Variants in SLC36A1 observed in about 807,000 individuals in gnomAD.
SLC36A1 encodes the protein proton-coupled amino acid transporter 1.
SLC36A1 carries 30 observed loss-of-function variants against 47.5 expected under a neutral mutation model. The ratio of observed to expected loss-of-function variants is 0.63; its 90% CI spans 0.47 to 0.86. The LOEUF is 0.86. Among genes scored for constraint, SLC36A1 ranks in the 40% least tolerant of loss-of-function variants. SLC36A1 has a pLI of 0.00. For missense variants in SLC36A1, 517 were observed against 606.0 expected, an observed-to-expected ratio of 0.85 and a Z score of 1.54; for synonymous variants, 255 against 249.7, an observed-to-expected ratio of 1.02 and a Z score of -0.20.
chr5:151,366,374 T>C, the SLC36A1 span: 1 of 170,598 alleles, frequency 5.9e-6, no homozygotes, highest in Non-Finnish European at 1.3e-5. Flanking sequence ...AAATGTTGAG[T>C]TGAAAATTGG....
the SLC36A1 span, among the ~76,000 whole-genome samples, chr5:151,419,552 G>A: frequency 2.0e-5 from 3 of 152,336 alleles, no homozygotes; most frequent in Admixed American, 1.3e-4. Context: ...AGAATGTAAA[G>A]TAGTTTCTTT....
chr5:151,546,111 T>C, the SLC36A1 span: 3 of 1,614,174 alleles, frequency 1.9e-6, no homozygotes, highest in Non-Finnish European at 2.5e-6. Context: ...CAACAGGGAT[T>C]GATTCAGGGA....
chr5:151,484,759 T>G (rs541584457), intron 10 of SLC36A1, among the ~76,000 whole-genome samples: 31 of 152,290 alleles, frequency 2.0e-4, no homozygotes, highest in African/African-American at 7.5e-4. Context: ...CCATCCTGTT[T>G]AGTAGTTGGG....
intron 10 of SLC36A1, among the ~76,000 whole-genome samples, chr5:151,486,714 A>G (rs1759610083): frequency 1.3e-5 from 2 of 152,218 alleles, no homozygotes; most frequent in South Asian, 4.1e-4. Context: ...GTAGGAATCA[A>G]TGAGGTAGTA....
At chr5:151,357,365 G>A in the SLC36A1 span, among the ~76,000 whole-genome samples, 1 of 152,256 alleles carries the variant, frequency 6.6e-6, no homozygotes, top group Non-Finnish European at 1.5e-5. Flanking sequence ...GCACTAGCCA[G>A]TTTGGGTGGT....
At chr5:151,553,325 C>A in the SLC36A1 span, 1 of 1,614,256 alleles carries the variant, frequency 6.2e-7, no homozygotes, top group Non-Finnish European at 8.5e-7. Flanking sequence ...GCCAAGGGAT[C>A]CACTCAATGT....
chr5:151,416,077 G>C, the SLC36A1 span, among the ~76,000 whole-genome samples: 1 of 152,230 alleles, frequency 6.6e-6, no homozygotes, highest in African/African-American at 2.4e-5. Context: ...CTGCACTCCA[G>C]CCTGGCAGCC....
At chr5:151,442,810 T>C (rs991040134), upstream of SLC36A1, among the ~76,000 whole-genome samples, 1 of 152,120 alleles carries the variant, frequency 6.6e-6, no homozygotes, top group Non-Finnish European at 1.5e-5. Flanking sequence ...CCAGCACTCC[T>C]GGGCCCTGGT....
the SLC36A1 span, among the ~76,000 whole-genome samples, chr5:151,399,518 A>T: frequency 6.6e-6 from 1 of 152,228 alleles, no homozygotes; most frequent in East Asian, 1.9e-4. Flanking sequence ...TCAGAGGATA[A>T]GAAATATTTG....
the SLC36A1 span, among the ~76,000 whole-genome samples, chr5:151,377,450 G>A: frequency 3.9e-3 from 574 of 147,178 alleles, 4 homozygotes; most frequent in Non-Finnish European, 4.0e-3. Flanking sequence ...CCGGGTTCAC[G>A]CCATTCTCCT....
At chr5:151,367,361 A>ATATTTTTTTTTTTTTTTTTT in the SLC36A1 span, among the ~76,000 whole-genome samples, 6 of 118,866 alleles carry the variant, frequency 5.0e-5, no homozygotes, top group Non-Finnish European at 1.0e-4. Flanking sequence ...CCAGGAATGC[A>ATATTTTTTTTTTTTTTTTTT]TTTTTTTTTT....
the SLC36A1 span, among the ~76,000 whole-genome samples, chr5:151,373,717 T>C: frequency 1.3e-5 from 2 of 152,190 alleles, no homozygotes; most frequent in Non-Finnish European, 1.5e-5. Context: ...GTATAAAAGA[T>C]AGTTTTTCCT....
chr5:151,524,304 T>C, the SLC36A1 span, among the ~76,000 whole-genome samples: 5 of 152,234 alleles, frequency 3.3e-5, no homozygotes, highest in Non-Finnish European at 7.3e-5. Context: ...CTACCAAGTA[T>C]TATTTTTAGT....
At chr5:151,533,340 A>C in the SLC36A1 span, among the ~76,000 whole-genome samples, 23 of 151,596 alleles carry the variant, frequency 1.5e-4, no homozygotes, top group Admixed American at 1.5e-3. Flanking sequence ...CTCTCCTATC[A>C]AACCCATTTC....
the SLC36A1 span, chr5:151,512,559 G>A: frequency 6.2e-7 from 1 of 1,614,010 alleles, no homozygotes; most frequent in East Asian, 2.2e-5. The surrounding 1 kb of genome is among the most constrained non-coding windows in gnomAD (Gnocchi z 4.1). Flanking sequence ...GGTTTCCATA[G>A]AAACCACCCA....
At chr5:151,449,356 G>T (rs59566125) in intron 1 of SLC36A1, among the ~76,000 whole-genome samples, 33,126 of 152,078 alleles carry the variant, frequency 0.22, 3,678 homozygotes, top group African/African-American at 0.23. Flanking sequence ...ACATGTTTTC[G>T]TTAAAAATGT....
the SLC36A1 span, chr5:151,542,944 C>T: frequency 1.1e-4 from 173 of 1,614,164 alleles, no homozygotes; most frequent in Admixed American, 6.0e-4. Flanking sequence ...TGTAGTGCCC[C>T]GCACTAGACT....
At chr5:151,359,669 C>T in the SLC36A1 span, among the ~76,000 whole-genome samples, 2 of 152,204 alleles carry the variant, frequency 1.3e-5, no homozygotes, top group African/African-American at 4.8e-5. Context: ...CCCTACCAGC[C>T]CTAGGGAGCA....
At chr5:151,512,309 C>T in the SLC36A1 span, 1 of 1,614,218 alleles carries the variant, frequency 6.2e-7, no homozygotes, top group Non-Finnish European at 8.5e-7. This position sits in a 1 kb window ranked among gnomAD's most constrained non-coding sequence, Gnocchi z 4.1. Context: ...TCTAGAGCCT[C>T]TTCGTTGACC....
Sources: gnomAD v4.1 joint callset for allele counts (sites outside exome capture counted in the v4.1 genomes callset) on GRCh38, gnomAD v4.1.1 for gene constraint, Gnocchi (gnomAD v3.1) non-coding constraint, MANE v1.5 for transcripts, NCBI Gene and HGNC (gene_info 2026-07-23, HGNC 2026-07-21) for gene names.